The following FHIT variants were observed in gnomAD, a reference collection of about 807,000 sequenced individuals.
FHIT encodes fragile histidine triad diadenosine triphosphatase.
FHIT carries 19 observed loss-of-function variants against 17.9 expected under a neutral mutation model. The observed-to-expected ratio is 1.06, with a 90% CI of 0.74 to 1.56. The LOEUF is 1.56. Ranked by LOEUF, FHIT falls within the 40% of genes most tolerant of loss-of-function variation. The pLI, the probability that FHIT is intolerant of heterozygous loss-of-function variation, is 0.00. For missense variants in FHIT, 248 were observed against 189.2 expected (o/e 1.31, Z -1.82); for synonymous variants, 81 against 69.7 (o/e 1.16, Z -0.81).
intron 2 of FHIT, among the ~76,000 whole-genome samples, chr3:61,047,661 C>T (rs979209094): frequency 6.6e-6 from 1 of 152,116 alleles, no homozygotes; most frequent in Non-Finnish European, 1.5e-5. Context: ...CAAAAAAGAG[C>T]CCACATTGCT....
At chr3:60,455,643 A>G (rs896643438) in intron 5 of FHIT, among the ~76,000 whole-genome samples, 3 of 152,156 alleles carry the variant, frequency 2.0e-5, no homozygotes, top group Non-Finnish European at 4.4e-5. Flanking sequence ...TGGGAACAAT[A>G]TAATATACTA....
At chr3:59,956,564 A>G (rs1435148656) in intron 7 of FHIT, among the ~76,000 whole-genome samples, 1 of 152,114 alleles carries the variant, frequency 6.6e-6, no homozygotes, top group Non-Finnish European at 1.5e-5. Context: ...GCTACTTGGG[A>G]GGCTGAACCA....
At chr3:60,236,241 A>G (rs1019528385) in intron 5 of FHIT, among the ~76,000 whole-genome samples, 2 of 150,624 alleles carry the variant, frequency 1.3e-5, no homozygotes, top group Admixed American at 1.3e-4. Flanking sequence ...GTAACAATAA[A>G]AAGTAATTTA....
chr3:60,937,312 G>A (rs374631643), intron 3 of FHIT, among the ~76,000 whole-genome samples: 15 of 152,300 alleles, frequency 9.8e-5, no homozygotes, highest in African/African-American at 3.6e-4. Flanking sequence ...CCTACTAGGA[G>A]AATATTTTCT....
chr3:59,904,268 G>T (rs1704478962), intron 8 of FHIT, among the ~76,000 whole-genome samples: 1 of 141,430 alleles, frequency 7.1e-6, no homozygotes, highest in African/African-American at 2.6e-5. Context: ...CTCTAAATAA[G>T]GAATTAAGCA....
intron 5 of FHIT, among the ~76,000 whole-genome samples, chr3:60,125,002 C>A (rs868483730): frequency 6.6e-6 from 1 of 152,190 alleles, no homozygotes; most frequent in Non-Finnish European, 1.5e-5. Flanking sequence ...ATGCTTCTCA[C>A]GCATGTCTCT....
intron 4 of FHIT, among the ~76,000 whole-genome samples, chr3:60,814,909 G>GT (rs1217616849): frequency 0.022 from 2,959 of 134,034 alleles, 48 homozygotes; most frequent in African/African-American, 0.054. Flanking sequence ...TGTTTTTGTT[G>GT]TTTTTTTTTT....
At chr3:60,171,314 G>C (rs370239090) in intron 5 of FHIT, among the ~76,000 whole-genome samples, 6 of 152,058 alleles carry the variant, frequency 3.9e-5, no homozygotes, top group African/African-American at 1.2e-4. Context: ...CCCTTCTACA[G>C]AAACATTCAG....
Position 60,066,630 on chromosome 3 carries a change from A to ATTTTTTTTTTTTTT in FHIT, c.104-52492_104-52479dup, listed in dbSNP as rs71089574. Among the ~76,000 whole-genome samples, 21 of 51,420 alleles carry ATTTTTTTTTTTTTT rather than the reference A, an allele frequency of 4.1e-4. 3 individuals are homozygous for ATTTTTTTTTTTTTT. Among genetic ancestry groups the ATTTTTTTTTTTTTT allele is most frequent in the Admixed American group, 1.4e-3 (4 of 2,816 alleles). The allele number at this position is 51,420 out of a possible 152,430, so 33.7% of individuals were successfully genotyped here. On this transcript the variant is annotated intron_variant, in intron 5 of 9. Coordinates refer to ENST00000492590, the MANE Select transcript of FHIT (RefSeq NM_002012.4). Reference sequence around the variant, plus strand: ...ATAGGTTGATTTTAATCCCTGACAAATTTTTTTTTTTTTTTTTTTTTTTTT... The same window carrying ATTTTTTTTTTTTTT: ...ATAGGTTGATTTTAATCCCTGACAAATTTTTTTTTTTTTTTTTTTTTTTTTTTTTTTTTTTTTTT...
intron 2 of FHIT, among the ~76,000 whole-genome samples, chr3:61,157,714 A>G (rs1462736013): frequency 6.6e-6 from 1 of 152,214 alleles, no homozygotes; most frequent in Non-Finnish European, 1.5e-5. Flanking sequence ...TCTAGTTGCC[A>G]GTAGAGCCAT....
chr3:59,991,839 A>AAGAGAAACACAGAGGGAG (rs1476230394), intron 7 of FHIT, among the ~76,000 whole-genome samples: 8 of 152,034 alleles, frequency 5.3e-5, no homozygotes, highest in South Asian at 2.1e-4. Flanking sequence ...TTTGCAGAGA[A>AAGAGAAACACAGAGGGAG]AGAGAAACAC....
At chr3:59,888,472 C>T (rs542257050) in intron 8 of FHIT, among the ~76,000 whole-genome samples, 1 of 152,234 alleles carries the variant, frequency 6.6e-6, no homozygotes, top group South Asian at 2.1e-4. Context: ...ACAATAAGCA[C>T]AATTGTATTC....
At chr3:60,434,092 GAATACATT>G (rs1262900441) in intron 5 of FHIT, among the ~76,000 whole-genome samples, 2 of 151,988 alleles carry the variant, frequency 1.3e-5, no homozygotes, top group Non-Finnish European at 2.9e-5. Flanking sequence ...ATGTACCACA[GAATACATT>G]AAAATTGGAC....
chr3:60,835,299 G>A (rs1311500032), intron 3 of FHIT, among the ~76,000 whole-genome samples: 1 of 152,054 alleles, frequency 6.6e-6, no homozygotes, highest in African/African-American at 2.4e-5. Context: ...CTTTAAACCT[G>A]TATATCAATT....
intron 5 of FHIT, among the ~76,000 whole-genome samples, chr3:60,242,167 A>G (rs1457568996): frequency 6.6e-6 from 1 of 152,164 alleles, no homozygotes; most frequent in Non-Finnish European, 1.5e-5. Flanking sequence ...TATGAATAAG[A>G]ATGTATACAA....
intron 5 of FHIT, among the ~76,000 whole-genome samples, chr3:60,250,205 T>C (rs1224145866): frequency 6.6e-6 from 1 of 152,166 alleles, no homozygotes; most frequent in Admixed American, 6.5e-5. Flanking sequence ...CACCTACAGC[T>C]GAGCAAGATA....
At chr3:60,617,173 CT>C (rs2038976889) in intron 4 of FHIT, 1 of 208,212 alleles carries the variant, frequency 4.8e-6, no homozygotes, top group African/African-American at 2.3e-5. Context: ...ATCAAAATAA[CT>C]AAAAGCTATA....
chr3:61,209,144 C>T (rs1195690217), intron 1 of FHIT, among the ~76,000 whole-genome samples: 1 of 151,992 alleles, frequency 6.6e-6, no homozygotes, highest in Non-Finnish European at 1.5e-5. Flanking sequence ...GAATATTGGC[C>T]CCCACTCTCT....
chr3:60,202,441 G>A (rs1346730531), intron 5 of FHIT, among the ~76,000 whole-genome samples: 2 of 152,194 alleles, frequency 1.3e-5, no homozygotes, highest in Non-Finnish European at 1.5e-5. Flanking sequence ...AGGGGGTACT[G>A]CTGCCCAAGC....
Sources: gnomAD v4.1 joint callset for allele counts (sites outside exome capture counted in the v4.1 genomes callset) on GRCh38, gnomAD v4.1.1 for gene constraint, MANE v1.5 for transcripts, NCBI Gene and HGNC (gene_info 2026-07-23, HGNC 2026-07-21) for gene names.